The following RSPO2 variants were observed in gnomAD, a reference collection of about 807,000 sequenced individuals.
The protein encoded by RSPO2 is R-spondin 2, also known as R-spondin-2.
A neutral mutation model predicts 30.9 loss-of-function variants in RSPO2; 14 were observed. The ratio of observed to expected loss-of-function variants is 0.45; its 90% CI spans 0.30 to 0.71. The LOEUF is 0.71. RSPO2 is among the 30% of genes least tolerant of loss of function. The probability of loss-of-function intolerance (pLI) is 0.08; values close to 1 mark genes in which losing one functional copy is unlikely to be tolerated. For synonymous variants in RSPO2, 107 were observed against 96.4 expected, an observed-to-expected ratio of 1.11 and a Z score of -0.64; for missense variants, 264 against 301.9, an observed-to-expected ratio of 0.87 and a Z score of 0.93.
chr8:108,044,433 A>T (rs1811848022), intron 2 of RSPO2, among the ~76,000 whole-genome samples: 1 of 152,068 alleles, frequency 6.6e-6, no homozygotes, highest in African/African-American at 2.4e-5. Flanking sequence ...TGTACCCAAT[A>T]TTCTCACTTT....
At chr8:108,049,765 G>A (rs1812022490) in intron 2 of RSPO2, among the ~76,000 whole-genome samples, 1 of 152,100 alleles carries the variant, frequency 6.6e-6, no homozygotes, top group African/African-American at 2.4e-5. Flanking sequence ...AGTATTCCAT[G>A]GTGTATATGT....
chr8:107,989,007 C>G lies in RSPO2; in HGVS notation c.283+49G>C, dbSNP rs374142264. On this transcript the variant is annotated intron_variant, in intron 3 of 5. Coordinates refer to ENST00000276659, the MANE Select transcript of RSPO2 (RefSeq NM_178565.5). ...TCAAAATCTTCAACTTAGCTCCTCT[C>G]CTAAGTTGCATATCCAGCAATACAG... 10 of 1,461,518 alleles carry G rather than the reference C, an allele frequency of 6.8e-6. No individual in the cohort carries two copies. The South Asian group carries it at 1.3e-4, about 19-fold the overall frequency. 90.5% of individuals were successfully genotyped at this position (1,461,518 alleles called of 1,614,324 possible).
chr8:108,078,314 G>A (rs115187034), intron 2 of RSPO2, among the ~76,000 whole-genome samples: 2 of 152,264 alleles, frequency 1.3e-5, no homozygotes, highest in South Asian at 2.1e-4. Flanking sequence ...GGAAGAGAAA[G>A]CAGCCAATCA....
intron 5 of RSPO2, among the ~76,000 whole-genome samples, chr8:107,947,174 A>G (rs1337539091): frequency 1.3e-5 from 2 of 152,244 alleles, no homozygotes; most frequent in Admixed American, 6.5e-5. Context: ...AGATAAAACC[A>G]TGTTAGATTA....
chr8:108,029,683 G>C (rs975708181), intron 2 of RSPO2, among the ~76,000 whole-genome samples: 2 of 152,182 alleles, frequency 1.3e-5, no homozygotes, highest in Non-Finnish European at 2.9e-5. Flanking sequence ...GGAAATAAAA[G>C]ATGCACCAAA....
At chr8:108,007,285 A>G (rs1213970589) in intron 2 of RSPO2, among the ~76,000 whole-genome samples, 3 of 152,170 alleles carry the variant, frequency 2.0e-5, no homozygotes, top group Admixed American at 6.6e-5. Flanking sequence ...TTGCGGCCAC[A>G]CAGATTCACC....
intron 3 of RSPO2, among the ~76,000 whole-genome samples, chr8:107,962,333 G>T (rs1355845115): frequency 3.3e-5 from 5 of 152,108 alleles, no homozygotes; most frequent in African/African-American, 1.2e-4. Flanking sequence ...ACTGTGTCTA[G>T]ACCTATTAAA....
At chr8:107,997,040 G>C in intron 2 of RSPO2, 1 of 355,652 alleles carries the variant, frequency 2.8e-6, no homozygotes, top group Non-Finnish European at 5.5e-6. Context: ...TCATGATGCT[G>C]CTCAGTGCTG....
intron 3 of RSPO2, among the ~76,000 whole-genome samples, chr8:107,964,235 G>GTTCA (rs757686435): frequency 1.2e-4 from 18 of 152,072 alleles, no homozygotes; most frequent in South Asian, 4.1e-4. Flanking sequence ...GCATTCATTC[G>GTTCA]TTCATTCATT....
chr8:108,059,125 T>C (rs1349134911), intron 2 of RSPO2, among the ~76,000 whole-genome samples: 1 of 151,420 alleles, frequency 6.6e-6, no homozygotes, highest in African/African-American at 2.4e-5. Flanking sequence ...ATATCCAGAA[T>C]CTACAATGAA....
chr8:108,021,653 G>A (rs1811061914), intron 2 of RSPO2, among the ~76,000 whole-genome samples: 1 of 152,044 alleles, frequency 6.6e-6, no homozygotes, highest in East Asian at 1.9e-4. Context: ...CTCCTTGGTG[G>A]CCCTAATGGT....
rs189995372 is a variant in RSPO2 at position 108,041,453 on chromosome 8, G to C, written c.94+41092C>G. 7.9e-5 allele frequency among the ~76,000 whole-genome samples: 12 copies of C among 152,174 alleles called. No homozygotes were observed. In the East Asian group the frequency reaches 1.7e-3, roughly 22 times the overall value. On this transcript the variant is annotated intron_variant, in intron 2 of 5. Coordinates refer to ENST00000276659, the MANE Select transcript of RSPO2 (RefSeq NM_178565.5). ...ATATCCAAGAACAAGGTTTAGAAGA[G>C]AAATTGAGACCAACAGCAAAAGCAA...
At chr8:107,919,883 C>T (rs1379401200) in intron 5 of RSPO2, among the ~76,000 whole-genome samples, 1 of 152,048 alleles carries the variant, frequency 6.6e-6, no homozygotes, top group African/African-American at 2.4e-5. Flanking sequence ...TGCAAAATTG[C>T]TATAGTAAAA....
In RSPO2 at chr8:107,906,963, A is replaced by G. The variant is rs142195054; in HGVS notation, c.617-5773T>C. On this transcript the variant is annotated intron_variant, in intron 5 of 5. Transcript: ENST00000276659. ...TGCAATTTTCAAATATAAGAGTTATATAAGTAAAATGCACAACCAATACAT... is the reference window on the plus strand; with the variant it reads ...TGCAATTTTCAAATATAAGAGTTATGTAAGTAAAATGCACAACCAATACAT... Among the ~76,000 whole-genome samples, 53 of 152,110 alleles carry G rather than the reference A, an allele frequency of 3.5e-4. No individual in the cohort carries two copies. In the East Asian group the frequency reaches 9.5e-3, roughly 27 times the overall value.
intron 3 of RSPO2, among the ~76,000 whole-genome samples, chr8:107,975,883 TGA>T (rs1366219680): frequency 1.3e-5 from 2 of 152,206 alleles, no homozygotes; most frequent in Non-Finnish European, 1.5e-5. Context: ...ATAAAAGAAC[TGA>T]GAGATTTGGC....
chr8:107,993,914 T>C (rs1387876734), intron 2 of RSPO2, among the ~76,000 whole-genome samples: 1 of 152,142 alleles, frequency 6.6e-6, no homozygotes, highest in African/African-American at 2.4e-5. Flanking sequence ...GACACTCTAA[T>C]TGGATTTAAG....
At chr8:108,018,361 T>C (rs1361139222) in intron 2 of RSPO2, among the ~76,000 whole-genome samples, 1 of 152,216 alleles carries the variant, frequency 6.6e-6, no homozygotes, top group Non-Finnish European at 1.5e-5. Context: ...CTTCTCACAC[T>C]GTAGTATATT....
At position 108,058,503 on chromosome 8, in the gene RSPO2, A is replaced by C. The variant is rs1249847747; in HGVS notation, c.94+24042T>G. 1.4e-4 allele frequency among the ~76,000 whole-genome samples: 21 copies of C among 152,292 alleles called. 1 individual carries two copies. In the East Asian group the frequency reaches 4.1e-3, roughly 29 times the overall value. On this transcript the variant is annotated intron_variant, in intron 2 of 5. Coordinates refer to ENST00000276659, the MANE Select transcript of RSPO2 (RefSeq NM_178565.5). Reference sequence around the variant, plus strand: ...ACAGAATTGGAAAAAACTACTTTAAAGTTCATATGGAACCAAAAAAGAGCC... The same window carrying C: ...ACAGAATTGGAAAAAACTACTTTAACGTTCATATGGAACCAAAAAAGAGCC...
chr8:108,058,494 C>T (rs143848530), intron 2 of RSPO2, among the ~76,000 whole-genome samples: 7,750 of 152,180 alleles, frequency 0.051, 620 homozygotes, highest in African/African-American at 0.17. Flanking sequence ...TTGGAAAAAA[C>T]TACTTTAAAG....
Sources: gnomAD v4.1 joint callset for allele counts (sites outside exome capture counted in the v4.1 genomes callset) on GRCh38, gnomAD v4.1.1 for gene constraint, MANE v1.5 for transcripts, NCBI Gene and HGNC (gene_info 2026-07-23, HGNC 2026-07-21) for gene names.